Variants in CACNA2D3 observed in about 807,000 individuals in gnomAD.
CACNA2D3 encodes the protein voltage-dependent calcium channel subunit alpha-2/delta-3.
Under a neutral mutation model 160.6 loss-of-function variants are expected in CACNA2D3, and 60 were observed. That is an observed-to-expected ratio of 0.37 (90% CI 0.30 to 0.46). The LOEUF is 0.46. CACNA2D3 is among the 20% of genes least tolerant of loss of function. The pLI, the probability that CACNA2D3 is intolerant of heterozygous loss-of-function variation, is 1.00. For synonymous variants in CACNA2D3, 558 were observed against 492.9 expected (o/e 1.13, Z -1.75); for missense variants, 1,205 against 1,365.0 (o/e 0.88, Z 1.85).
chr3:54,399,888 C>T (rs1699416531), intron 4 of CACNA2D3, among the ~76,000 whole-genome samples: 1 of 124,532 alleles, frequency 8.0e-6, no homozygotes, highest in Non-Finnish European at 1.7e-5. Flanking sequence ...GGCGGGCGCC[C>T]CTCCCCCAGC....
At chr3:54,251,195 A>G (rs1702183036) in intron 2 of CACNA2D3, among the ~76,000 whole-genome samples, 1 of 152,088 alleles carries the variant, frequency 6.6e-6, no homozygotes, top group Non-Finnish European at 1.5e-5. Context: ...AGTGTTTTGA[A>G]AAGAGGGATG....
At chr3:54,951,958 C>T (rs1701768688) in intron 27 of CACNA2D3, among the ~76,000 whole-genome samples, 1 of 152,170 alleles carries the variant, frequency 6.6e-6, no homozygotes, top group East Asian at 1.9e-4. Context: ...AAATGATTCT[C>T]CTGCCTCAGC....
At chr3:54,224,150 C>G (rs1387714616) in intron 2 of CACNA2D3, among the ~76,000 whole-genome samples, 1 of 152,054 alleles carries the variant, frequency 6.6e-6, no homozygotes, top group African/African-American at 2.4e-5. Context: ...TGTCTTTCAC[C>G]TCCACACCTT....
intron 11 of CACNA2D3, among the ~76,000 whole-genome samples, chr3:54,746,801 G>A (rs1701760559): frequency 6.6e-6 from 1 of 152,148 alleles, no homozygotes; most frequent in African/African-American, 2.4e-5. Flanking sequence ...GGGAGCAAGA[G>A]TGGAATTATT....
intron 27 of CACNA2D3, among the ~76,000 whole-genome samples, chr3:54,929,602 C>T (rs552943026): frequency 3.3e-5 from 5 of 151,694 alleles, no homozygotes; most frequent in South Asian, 2.1e-4. Flanking sequence ...GCCCACTTTA[C>T]GCAACCTGCC....
intron 4 of CACNA2D3, among the ~76,000 whole-genome samples, chr3:54,433,964 C>T (rs931964149): frequency 3.3e-5 from 5 of 152,224 alleles, no homozygotes; most frequent in Non-Finnish European, 5.9e-5. Flanking sequence ...CTTCCATTCC[C>T]CCACCTGGTG....
intron 11 of CACNA2D3, among the ~76,000 whole-genome samples, chr3:54,643,749 C>T (rs151188911): frequency 1.4e-4 from 21 of 152,304 alleles, no homozygotes; most frequent in Non-Finnish European, 2.5e-4. Flanking sequence ...CTGTAGCACA[C>T]GGCCCAGTGC....
intron 11 of CACNA2D3, among the ~76,000 whole-genome samples, chr3:54,750,234 C>T (rs1701832549): frequency 6.6e-6 from 1 of 152,192 alleles, no homozygotes. Flanking sequence ...CTCACAGCCA[C>T]TTTTGCTCAA....
rs1255958873 is a variant in CACNA2D3 at position 54,759,613 on chromosome 3, T to C, written c.1247-4605T>C. ...TTATCTTTTCTTACCTTTTTATACA[T>C]CTGCATCCCTGGTCTACATAGTGAA... On this transcript the variant is annotated intron_variant, in intron 12 of 37. Transcript: ENST00000474759. Among the ~76,000 whole-genome samples the C allele has an allele frequency of 7.2e-5, 11 of 152,202 alleles. No individual in the cohort carries two copies. The East Asian group carries it at 1.3e-3, about 19-fold the overall frequency.
chr3:54,145,985 A>G (rs1700023068), intron 2 of CACNA2D3, among the ~76,000 whole-genome samples: 1 of 151,676 alleles, frequency 6.6e-6, no homozygotes, highest in African/African-American at 2.4e-5. Context: ...GCCTAATCTC[A>G]CTGTTTTTAC....
intron 27 of CACNA2D3, among the ~76,000 whole-genome samples, chr3:54,946,857 G>A (rs1701628586): frequency 6.6e-6 from 1 of 151,864 alleles, no homozygotes; most frequent in Non-Finnish European, 1.5e-5. Context: ...GTCCCTGACT[G>A]AGAGTACTCT....
At position 54,383,164 on chromosome 3, in the gene CACNA2D3, T is replaced by C. The variant is rs1389859620; in HGVS notation, c.322-3551T>C. ...TTTTAGGTAAATCTATGGGAGATGGTTTTCTTCTTAAATAACATTTCTTTT... is the reference window on the plus strand; with the variant it reads ...TTTTAGGTAAATCTATGGGAGATGGCTTTCTTCTTAAATAACATTTCTTTT... On this transcript the variant is annotated intron_variant, in intron 3 of 37. Transcript: ENST00000474759. Among the ~76,000 whole-genome samples the C allele has an allele frequency of 2.0e-5, 3 of 152,194 alleles. No homozygotes were observed. The East Asian group carries it at 5.8e-4, about 29-fold the overall frequency.
intron 2 of CACNA2D3, among the ~76,000 whole-genome samples, chr3:54,126,159 C>A (rs191283698): frequency 7.2e-4 from 109 of 152,306 alleles, no homozygotes; most frequent in Middle Eastern, 3.4e-3. Context: ...ATTGACACTT[C>A]ATGTTGTGAA....
intron 13 of CACNA2D3, among the ~76,000 whole-genome samples, chr3:54,809,671 C>T (rs1703247484): frequency 6.6e-6 from 1 of 151,528 alleles, no homozygotes; most frequent in Non-Finnish European, 1.5e-5. Flanking sequence ...TCCCTCCCTT[C>T]CTTTGTTCCT....
chr3:54,712,836 C>T (rs1403079045), intron 11 of CACNA2D3, among the ~76,000 whole-genome samples: 1 of 152,240 alleles, frequency 6.6e-6, no homozygotes, highest in African/African-American at 2.4e-5. Flanking sequence ...AACTCTCTTC[C>T]ACTTTAAACA....
chr3:54,646,088 C>A (rs1439267966), intron 11 of CACNA2D3, among the ~76,000 whole-genome samples: 1 of 149,014 alleles, frequency 6.7e-6, no homozygotes, highest in Non-Finnish European at 1.5e-5. Context: ...GAAGGGATAT[C>A]CTGGGTGGGC....
intron 17 of CACNA2D3, among the ~76,000 whole-genome samples, chr3:54,867,871 C>G (rs981698668): frequency 7.2e-5 from 11 of 152,340 alleles, no homozygotes; most frequent in South Asian, 4.1e-4. Context: ...GAACCAGTGA[C>G]ATCCTGGAGC....
intron 28 of CACNA2D3, 26 bp from the exon 29 acceptor site, chr3:54,969,773 AT>A: frequency 1.2e-6 from 2 of 1,610,234 alleles, no homozygotes; most frequent in Non-Finnish European, 8.5e-7. Context: ...ATAGTAACAC[AT>A]TTCCCTCCAC....
At chr3:54,756,094 A>G (rs1428526548) in intron 12 of CACNA2D3, among the ~76,000 whole-genome samples, 3 of 152,226 alleles carry the variant, frequency 2.0e-5, no homozygotes, top group Non-Finnish European at 2.9e-5. Context: ...TTTAGGATTT[A>G]TAAGTTCTGA....
Sources: gnomAD v4.1 joint callset for allele counts (sites outside exome capture counted in the v4.1 genomes callset) on GRCh38, gnomAD v4.1.1 for gene constraint, MANE v1.5 for transcripts, NCBI Gene and HGNC (gene_info 2026-07-23, HGNC 2026-07-21) for gene names.